TLR3: variants seen among roughly 807,000 people sequenced by gnomAD.
TLR3 encodes toll-like receptor 3.
A neutral mutation model predicts 66.4 loss-of-function variants in TLR3; 43 were observed. The ratio of observed to expected loss-of-function variants is 0.65; its 90% CI spans 0.51 to 0.83. TLR3 has a LOEUF of 0.83. TLR3 is among the 40% of genes least tolerant of loss of function. The pLI is 0.00. For synonymous variants in TLR3, 397 were observed against 397.2 expected, an observed-to-expected ratio of 1.00 and a Z score of 0.01; for missense variants, 982 against 1,044.6, an observed-to-expected ratio of 0.94 and a Z score of 0.83.
chr4:186,083,247 A>G lies in TLR3; in HGVS notation c.1561A>G (p.Ile521Val), dbSNP rs750424441. Residue 521 changes from isoleucine to valine, a missense_variant, in exon 4 of 5, where the codon ATA (isoleucine) becomes GTA (valine). Coordinates refer to ENST00000296795, the MANE Select transcript of TLR3 (RefSeq NM_003265.3). The surrounding 1 kb of genome is among the most constrained non-coding windows in gnomAD (Gnocchi z 4.0). ...TCTAAGCAACAACAACATAGCCAAC[A>G]TAAATGATGACATGTTGGAGGGTCT... ...LDLSNNNIAN[I>V]NDDMLEGLEK... 7.4e-6 allele frequency: 12 copies of G among 1,614,118 alleles called. No homozygotes were observed. Among genetic ancestry groups the G allele is most frequent in the Non-Finnish European group, 1.0e-5 (12 of 1,180,054 alleles).
intron 1 of TLR3, among the ~76,000 whole-genome samples, chr4:186,069,983 A>C (rs11721827): frequency 0.13 from 19,103 of 152,228 alleles, 1,443 homozygotes; most frequent in East Asian, 0.2. Context: ...AAATCAAACT[A>C]TGGATAGTGG....
rs779879200 is a variant in TLR3, at chr4:186,079,016, G to T, written c.618G>T (p.Ser206=). ...NSSLKKLELS[S]NQIKEFSPGC... ...CTTTAAAAAAATTAGAGTTGTCATC[G>T]AATCAAATTAAAGAGGTAAGAAGTA... Residue 206 remains serine, a synonymous_variant, in exon 3 of 5, where the codon TCG becomes TCT. Transcript: ENST00000296795. 1 of 1,613,358 alleles carries T rather than the reference G, an allele frequency of 6.2e-7. No individual in the cohort carries two copies. Among genetic ancestry groups the T allele is most frequent in the South Asian group, 1.1e-5 (1 of 90,968 alleles).
At chr4:186,079,204 AGGAGAGGTCGGGAGACGG>A (rs2099302988) in intron 3 of TLR3, among the ~76,000 whole-genome samples, 173 bp downstream of exon 3, 2 of 152,146 alleles carry the variant, frequency 1.3e-5, no homozygotes, top group Non-Finnish European at 2.9e-5. Flanking sequence ...AGGCAGCCCC[AGGAGAGGTCGGGAGACGG>A]GACTCTGCCG....
rs755399944 is a variant in TLR3 at position 186,083,780 on chromosome 4, C to T, written c.2094C>T (p.Asp698=). The T allele has an allele frequency of 6.2e-7, 1 of 1,614,018 alleles. No individual in the cohort carries two copies. Among genetic ancestry groups the T allele is most frequent in the South Asian group, 1.1e-5 (1 of 91,016 alleles). Residue 698 remains aspartate (D), a synonymous_variant, in exon 4 of 5, where the codon GAC becomes GAT. Coordinates refer to ENST00000296795, the MANE Select transcript of TLR3 (RefSeq NM_003265.3). This position sits in a 1 kb window ranked among gnomAD's most constrained non-coding sequence, Gnocchi z 4.0. ...VRLFDTSSCK[D]SAPFELFFMI... ...TTTTTGATACATCATCTTGCAAAGA[C>T]AGTGCCCCCTTTGAACTCTTTTTCA...
chr4:186,083,069 C>T lies in TLR3; in HGVS notation c.1383C>T (p.Ile461=), dbSNP rs1377156808. Reference sequence around the variant, plus strand: ...GAGGTCTAGAAAATATTTTCGAAATCTATCTTTCCTACAACAAGTACCTGC... The same window carrying T: ...GAGGTCTAGAAAATATTTTCGAAATTTATCTTTCCTACAACAAGTACCTGC... ...EWRGLENIFE[I]YLSYNKYLQL... The change falls in exon 4 of 5, where the codon ATC becomes ATT. Residue 461 remains isoleucine, a synonymous_variant. Coordinates refer to ENST00000296795, the MANE Select transcript of TLR3 (RefSeq NM_003265.3). The surrounding 1 kb of genome is among the most constrained non-coding windows in gnomAD (Gnocchi z 4.0). 1.9e-6 allele frequency: 3 copies of T among 1,614,176 alleles called. No individual in the cohort carries two copies. The highest frequency in any genetic ancestry group is 2.5e-6 in the Non-Finnish European group (3 of 1,180,040).
chr4:186,075,490 G>A (rs907459691), intron 1 of TLR3, among the ~76,000 whole-genome samples: 11 of 152,046 alleles, frequency 7.2e-5, no homozygotes, highest in African/African-American at 9.6e-5. Context: ...AAAATTAGCC[G>A]GGTGTGGTAC....
Position 186,083,505 on chromosome 4 carries a change from A to G in TLR3, c.1819A>G (p.Asn607Asp). 5 of 1,607,712 alleles carry G rather than the reference A, an allele frequency of 3.1e-6. No homozygotes were observed. Among genetic ancestry groups the G allele is most frequent in the Non-Finnish European group, 4.2e-6 (5 of 1,176,550 alleles). The change falls in exon 4 of 5, where the codon AAT becomes GAT. Residue 607 changes from asparagine to aspartate, a missense_variant. Coordinates refer to ENST00000296795, the MANE Select transcript of TLR3 (RefSeq NM_003265.3). This position sits in a 1 kb window ranked among gnomAD's most constrained non-coding sequence, Gnocchi z 4.0. ...AAACACACTTCCAGCATCTGTCTTTAATAATCAGGTGTCTCTAAAGTCATT... is the reference window on the plus strand; with the variant it reads ...AAACACACTTCCAGCATCTGTCTTTGATAATCAGGTGTCTCTAAAGTCATT... ...NLNTLPASVF[N>D]NQVSLKSLNL...
At chr4:186,084,610 C>T (rs373542439) in intron 4 of TLR3, 35 bp from the exon 5 acceptor site, 83 of 1,388,002 alleles carry the variant, frequency 6.0e-5, no homozygotes, top group Non-Finnish European at 7.8e-5. Flanking sequence ...TGTTAAAAAC[C>T]GTATATTAAT....
chr4:186,076,742 G>A lies in TLR3; in HGVS notation c.123G>A (p.Lys41=), dbSNP rs1430424244. Residue 41 remains lysine (K), a synonymous_variant, in exon 2 of 5, where the codon AAG becomes AAA. Transcript: ENST00000296795. Reference sequence around the variant, plus strand: ...AAGTTGCTGACTGCAGCCACCTGAAGTTGACTCAGGTACCCGATGATCTAC... The same window carrying A: ...AAGTTGCTGACTGCAGCCACCTGAAATTGACTCAGGTACCCGATGATCTAC... ...SHEVADCSHL[K]LTQVPDDLPT... is the part of the protein sequence containing the mutation. The A allele has an allele frequency of 6.2e-7, 1 of 1,614,054 alleles. No homozygotes were observed. The highest frequency in any genetic ancestry group is 8.5e-7 in the Non-Finnish European group (1 of 1,180,020).
At chr4:186,082,113 T>A in intron 3 of TLR3, 2 of 574,572 alleles carry the variant, frequency 3.5e-6, no homozygotes, top group South Asian at 4.3e-5. Context: ...TAATCCCAGC[T>A]ACTCGGGAGG....
chr4:186,084,540 C>A (rs1220158280), intron 4 of TLR3, 105 bp from the exon 5 acceptor site: 13 of 715,790 alleles, frequency 1.8e-5, no homozygotes, highest in South Asian at 8.0e-5. Flanking sequence ...AAAAAAAAAA[C>A]CTGAGTTTCA....
In TLR3 at chr4:186,082,428, A is replaced by G. The variant is rs750608308; in HGVS notation, c.742A>G (p.Thr248Ala). The G allele has an allele frequency of 4.3e-6, 7 of 1,614,008 alleles. No individual in the cohort carries two copies. Among genetic ancestry groups the G allele is most frequent in the Non-Finnish European group, 5.1e-6 (6 of 1,180,040 alleles). ...TEKLCLELANTSIRNLSLSNS... is the reference protein window; with the variant it reads ...TEKLCLELANASIRNLSLSNS... ...GAAGCTATGTTTGGAATTAGCAAAC[A>G]CAAGCATTCGGAATCTGTCTCTGAG... is the stretch of plus-strand genomic sequence containing the variant. Residue 248 changes from threonine to alanine, a missense_variant, in exon 4 of 5, where the codon ACA (threonine) becomes GCA (alanine). By Grantham distance (58) the Thr-to-Ala change is moderately conservative (BLOSUM62 0). Transcript: ENST00000296795.
In TLR3 at chr4:186,076,130, G is replaced by A. The variant is rs17550598; in HGVS notation, c.-7-483G>A. 3.1e-4 allele frequency among the ~76,000 whole-genome samples: 47 copies of A among 152,306 alleles called. No individual in the cohort carries two copies. In the East Asian group the frequency reaches 7.5e-3, roughly 24 times the overall value. On this transcript the variant is annotated intron_variant, in intron 1 of 4. Transcript: ENST00000296795. ...GATTGCACCATTGCACTCCAGCCTG[G>A]TGACAGAGCCAGATTCCATCTCAAA...
rs776181858 is a variant in TLR3, at chr4:186,082,842, C to G, written c.1156C>G (p.Leu386Val). ...TGLINLKYLSLSNSFTSLRTL... is the reference protein window; with the variant it reads ...TGLINLKYLSVSNSFTSLRTL... ...ATTGATAAACCTGAAATACTTAAGT[C>G]TATCCAACTCCTTTACAAGTTTGCG... The change falls in exon 4 of 5, where the codon CTA becomes GTA. Residue 386 changes from leucine (L) to valine (V), a missense_variant. By Grantham distance (32) the Leu-to-Val change is conservative (BLOSUM62 1). Around this residue, in one of 3 missense-constraint regions of TLR3, gnomAD observed 666 missense variants for 709.0 expected, o/e 0.94. Coordinates refer to ENST00000296795, the MANE Select transcript of TLR3 (RefSeq NM_003265.3). 6.2e-7 allele frequency: 1 copy of G among 1,613,712 alleles called. No individual in the cohort carries two copies. Among genetic ancestry groups the G allele is most frequent in the Non-Finnish European group, 8.5e-7 (1 of 1,179,758 alleles).
chr4:186,086,520 A>T lies in TLR3; in HGVS notation c.*1647A>T, dbSNP rs1489022734. The T allele has an allele frequency of 6.6e-6, 1 of 152,164 alleles. No homozygotes were observed. The highest frequency in any genetic ancestry group is 1.5e-5 in the Non-Finnish European group (1 of 68,028). The allele number at this position is 152,164 out of a possible 1,614,324, so 9.4% of individuals were successfully genotyped here. A position where few individuals can be genotyped will look rare whatever the true frequency, so the allele number is the denominator to read the frequency against. On this transcript the variant is annotated 3_prime_UTR_variant, in exon 5 of 5. Coordinates refer to ENST00000296795, the MANE Select transcript of TLR3 (RefSeq NM_003265.3). ...GAGGACTAATTGTCACTTTCATGTT[A>T]TTTGCCACCCTGACAGCTGAGACAC...
At chr4:186,077,977 A>G (rs2099302737) in intron 2 of TLR3, among the ~76,000 whole-genome samples, 1 of 152,216 alleles carries the variant, frequency 6.6e-6, no homozygotes, top group South Asian at 2.1e-4. Flanking sequence ...AGAATAATGT[A>G]CAAATGTAAA....
Position 186,083,943 on chromosome 4 carries a change from C to G in TLR3, c.2257C>G (p.Gln753Glu), listed in dbSNP as rs1266773017. 7 of 1,613,960 alleles carry G rather than the reference C, an allele frequency of 4.3e-6. No homozygotes were observed. The highest frequency in any genetic ancestry group is 5.1e-6 in the Non-Finnish European group (6 of 1,180,030). The change falls in exon 4 of 5, where the codon CAG becomes GAG. Residue 753 changes from glutamine (Q) to glutamate (E), a missense_variant. Gln to Glu is a conservative substitution (Grantham distance 29). This residue lies in a region of TLR3 where 666 missense variants were observed against 709.0 expected (regional missense o/e 0.94). Coordinates refer to ENST00000296795, the MANE Select transcript of TLR3 (RefSeq NM_003265.3). This position sits in a 1 kb window ranked among gnomAD's most constrained non-coding sequence, Gnocchi z 4.0. Reference sequence around the variant, plus strand: ...CAAAGAAATAGACAGACAGACAGAACAGTTTGAATATGCAGCATATATAAT... The same window carrying G: ...CAAAGAAATAGACAGACAGACAGAAGAGTTTGAATATGCAGCATATATAAT... ...GFKEIDRQTE[Q>E]FEYAAYIIHA...
At chr4:186,070,498 C>T (rs888332002) in intron 1 of TLR3, among the ~76,000 whole-genome samples, 1 of 151,928 alleles carries the variant, frequency 6.6e-6, no homozygotes, top group African/African-American at 2.4e-5. Context: ...AATTCTCACA[C>T]CTCAGTGTCA....
chr4:186,075,949 A>C (rs2099302373), intron 1 of TLR3, among the ~76,000 whole-genome samples: 1 of 152,210 alleles, frequency 6.6e-6, no homozygotes, highest in South Asian at 2.1e-4. Flanking sequence ...AAGTCAAGAG[A>C]TCGAGACCAT....
Sources: gnomAD v4.1 joint callset for allele counts (sites outside exome capture counted in the v4.1 genomes callset) on GRCh38, gnomAD v4.1.1 for gene constraint, gnomAD v4.1.1 regional missense constraint, Gnocchi (gnomAD v3.1) non-coding constraint, MANE v1.5 for transcripts, NCBI Gene and HGNC (gene_info 2026-07-23, HGNC 2026-07-21) for gene names.